DOCK3: variants seen among roughly 807,000 people sequenced by gnomAD.
DOCK3 encodes the protein dedicator of cytokinesis 3.
Under a neutral mutation model 265.6 loss-of-function variants are expected in DOCK3, and 60 were observed. The ratio of observed to expected loss-of-function variants is 0.23; its 90% CI spans 0.18 to 0.28. The LOEUF is 0.28. Among genes scored for constraint, DOCK3 ranks in the 10% least tolerant of loss-of-function variants. The probability of loss-of-function intolerance (pLI) is 1.00; values close to 1 mark genes in which losing one functional copy is unlikely to be tolerated. For missense variants in DOCK3, 1,981 were observed against 2,594.3 expected (o/e 0.76, Z 5.14); for synonymous variants, 881 against 938.0 (o/e 0.94, Z 1.11).
Position 50,788,016 on chromosome 3 carries a change from G to A in DOCK3, c.121+9258G>A, listed in dbSNP as rs183977864. 1.0e-4 allele frequency: 78 copies of A among 751,160 alleles called. No individual in the cohort carries two copies. The East Asian group carries it at 2.3e-3, about 22-fold the overall frequency. The allele number at this position is 751,160 out of a possible 1,614,324, so 46.5% of individuals were successfully genotyped here. A position where few individuals can be genotyped will look rare whatever the true frequency, so the allele number is the denominator to read the frequency against. On this transcript the variant is annotated intron_variant, in intron 2 of 52. Transcript: ENST00000266037. ...TTCTCCTGGTCTTCCTTAATAGCAT[G>A]CACATCAGACTCTGCTCCTGTCTCC...
intron 10 of DOCK3, among the ~76,000 whole-genome samples, chr3:51,158,791 A>G (rs1416610691): frequency 1.3e-5 from 2 of 152,230 alleles, no homozygotes; most frequent in Non-Finnish European, 2.9e-5. Flanking sequence ...GTGTGTAATA[A>G]TCATTTGTGG....
intron 12 of DOCK3, among the ~76,000 whole-genome samples, chr3:51,205,146 C>A (rs962027427): frequency 6.6e-6 from 1 of 150,560 alleles, no homozygotes; most frequent in African/African-American, 2.5e-5. Flanking sequence ...TGCACATGTA[C>A]GCTAAAACTT....
At chr3:50,739,110 A>G (rs1192391189) in intron 1 of DOCK3, among the ~76,000 whole-genome samples, 1 of 152,130 alleles carries the variant, frequency 6.6e-6, no homozygotes, top group African/African-American at 2.4e-5. Flanking sequence ...TTAAAAACAT[A>G]TTCTCTAATC....
intron 12 of DOCK3, among the ~76,000 whole-genome samples, chr3:51,169,266 A>G (rs1057498703): frequency 4.6e-5 from 7 of 152,330 alleles, no homozygotes; most frequent in South Asian, 2.1e-4. Context: ...GAATTTTTCT[A>G]TCATAAAGAC....
At chr3:51,101,430 C>T (rs534149591) in intron 9 of DOCK3, among the ~76,000 whole-genome samples, 16 of 152,244 alleles carry the variant, frequency 1.1e-4, no homozygotes, top group African/African-American at 3.9e-4. Context: ...TCGGCTTAGT[C>T]TTTCTTAGAA....
intron 3 of DOCK3, among the ~76,000 whole-genome samples, chr3:50,866,842 A>T (rs1009532012): frequency 3.3e-5 from 5 of 152,200 alleles, no homozygotes; most frequent in African/African-American, 9.7e-5. Flanking sequence ...GCTCTGTAGT[A>T]TAATTTGAAG....
chr3:50,947,358 A>T (rs2076455324), intron 5 of DOCK3, among the ~76,000 whole-genome samples: 1 of 152,054 alleles, frequency 6.6e-6, no homozygotes, highest in Non-Finnish European at 1.5e-5. Context: ...CAAATTATTT[A>T]GAGTGATTAT....
chr3:50,970,794 A>G lies in DOCK3; in HGVS notation c.315+36717A>G, dbSNP rs9836165. 2.7e-3 allele frequency among the ~76,000 whole-genome samples: 378 copies of G among 142,154 alleles called. 3 individuals are homozygous for G. The highest frequency in any genetic ancestry group is 9.4e-3 in the African/African-American group (361 of 38,392). The allele number at this position is 142,154 out of a possible 152,430, so 93.3% of individuals were successfully genotyped here. Reference sequence around the variant, plus strand: ...CAGACTGCAGTGCAGTGGTGCAAAAATAGCTCACTGCAGCCATGAACTCCT... The same window carrying G: ...CAGACTGCAGTGCAGTGGTGCAAAAGTAGCTCACTGCAGCCATGAACTCCT... On this transcript the variant is annotated intron_variant, in intron 5 of 52. Coordinates refer to ENST00000266037, the MANE Select transcript of DOCK3 (RefSeq NM_004947.5).
chr3:50,802,529 G>T (rs553860022), intron 2 of DOCK3, among the ~76,000 whole-genome samples: 1 of 152,160 alleles, frequency 6.6e-6, no homozygotes, highest in African/African-American at 2.4e-5. Context: ...GTGTAGGTTT[G>T]CTGGGTATAA....
At chr3:50,717,111 G>A (rs1432598887) in intron 1 of DOCK3, among the ~76,000 whole-genome samples, 1 of 152,092 alleles carries the variant, frequency 6.6e-6, no homozygotes, top group African/African-American at 2.4e-5. Flanking sequence ...TAATGTTCTA[G>A]TACATGGATA....
intron 22 of DOCK3, among the ~76,000 whole-genome samples, chr3:51,259,649 G>A (rs1176494359): frequency 1.3e-5 from 2 of 152,104 alleles, no homozygotes; most frequent in African/African-American, 4.8e-5. Context: ...TCAGATTTCT[G>A]TGACCCCTGG....
chr3:51,051,496 C>A (rs2080991505), intron 5 of DOCK3, among the ~76,000 whole-genome samples: 1 of 152,146 alleles, frequency 6.6e-6, no homozygotes, highest in Non-Finnish European at 1.5e-5. Context: ...GCACAGTTAA[C>A]CCCTGTAATA....
At chr3:50,719,623 T>C in intron 1 of DOCK3, 2 of 1,554,752 alleles carry the variant, frequency 1.3e-6, no homozygotes, top group Non-Finnish European at 1.8e-6. Context: ...ACCACTGAGG[T>C]CTTGGCAGTG....
intron 9 of DOCK3, among the ~76,000 whole-genome samples, chr3:51,143,213 A>C (rs1015705476): frequency 1.5e-4 from 22 of 149,570 alleles, no homozygotes; most frequent in Middle Eastern, 3.4e-3. Context: ...AGTTATAGCT[A>C]TTCTAGTAGG....
At chr3:50,871,584 GTTA>G (rs2047433711) in intron 3 of DOCK3, among the ~76,000 whole-genome samples, 1 of 151,938 alleles carries the variant, frequency 6.6e-6, no homozygotes, top group African/African-American at 2.4e-5. Flanking sequence ...AGGGTTCTCT[GTTA>G]TTATTTCTTT....
chr3:51,144,302 T>C (rs2085197208), intron 9 of DOCK3, among the ~76,000 whole-genome samples: 1 of 152,208 alleles, frequency 6.6e-6, no homozygotes. Flanking sequence ...CACTGGCATC[T>C]TTCTCTACCA....
chr3:50,821,672 T>C (rs2044440651), intron 2 of DOCK3, among the ~76,000 whole-genome samples: 1 of 152,212 alleles, frequency 6.6e-6, no homozygotes, highest in Non-Finnish European at 1.5e-5. Flanking sequence ...TGTTTATATA[T>C]GGTGAAAGGT....
chr3:50,775,602 T>G (rs2041543363), intron 1 of DOCK3, among the ~76,000 whole-genome samples: 1 of 152,126 alleles, frequency 6.6e-6, no homozygotes, highest in African/African-American at 2.4e-5. Flanking sequence ...TTCTTCTTAT[T>G]TTTTTCAATA....
chr3:50,713,087 A>G (rs1262770521), intron 1 of DOCK3, among the ~76,000 whole-genome samples: 1 of 152,202 alleles, frequency 6.6e-6, no homozygotes, highest in African/African-American at 2.4e-5. Flanking sequence ...GTGAAGAGAC[A>G]TTACTGTACA....
Sources: allele counts gnomAD v4.1 joint callset (sites outside exome capture counted in the v4.1 genomes callset), GRCh38; gene constraint gnomAD v4.1.1; transcripts MANE v1.5; gene names NCBI Gene and HGNC (gene_info 2026-07-23, HGNC 2026-07-21).